The following HECTD3 variants were observed in gnomAD, a reference collection of about 807,000 sequenced individuals.
The protein encoded by HECTD3 is HECT domain E3 ubiquitin protein ligase 3.
A neutral mutation model predicts 109.3 loss-of-function variants in HECTD3; 72 were observed. The ratio of observed to expected loss-of-function variants is 0.66; its 90% CI spans 0.54 to 0.80. The LOEUF (loss-of-function observed/expected upper bound fraction) is 0.80. HECTD3 is among the 30% of genes least tolerant of loss of function. The pLI, the probability that HECTD3 is intolerant of heterozygous loss-of-function variation, is 0.00. For missense variants in HECTD3, 1,041 were observed against 1,165.2 expected (o/e 0.89, Z 1.55); for synonymous variants, 481 against 471.8 (o/e 1.02, Z -0.25).
chr1:45,011,250 C>A lies in HECTD3; in HGVS notation c.8G>T (p.Gly3Val). 7.4e-7 allele frequency: 1 copy of A among 1,355,834 alleles called. No homozygotes were observed. Among genetic ancestry groups the A allele is most frequent in the Non-Finnish European group, 9.4e-7 (1 of 1,060,302 alleles). The allele number at this position is 1,355,834 out of a possible 1,614,324, so 84.0% of individuals were successfully genotyped here. The change falls in exon 1 of 21, where the codon GGT (glycine) becomes GTT (valine). Residue 3 changes from glycine (G) to valine (V), a missense_variant. By Grantham distance (109) the Gly-to-Val change is moderately radical. Transcript: ENST00000372172. ...CTCCAGCACCGCGCCCGGGCCAGGA[C>A]CCGCCATGGCGAAGTGGCGGAGGTG... is the stretch of plus-strand genomic sequence containing the variant. The part of the protein sequence containing the change: MA[G>V]PGPGAVLESP...
In HECTD3 at chr1:45,009,701, C is replaced by A. The variant is rs767438575; in HGVS notation, c.760-18G>T. The A allele has an allele frequency of 6.3e-7, 1 of 1,584,626 alleles. No homozygotes were observed. The highest frequency in any genetic ancestry group is 8.7e-7 in the Non-Finnish European group (1 of 1,154,388). On this transcript the variant is annotated intron_variant, in intron 4 of 20. Coordinates refer to ENST00000372172, the MANE Select transcript of HECTD3 (RefSeq NM_024602.6). ...AACTCCTCCTGGGGAGGGGCAGAGA[C>A]GTGAAGTCAGCAGTTACCCTCCCTC... is the stretch of plus-strand genomic sequence containing the variant.
intron 3 of HECTD3, 25 bp from the exon 4 acceptor site, chr1:45,010,146 A>G: frequency 6.2e-7 from 1 of 1,613,598 alleles, no homozygotes; most frequent in Non-Finnish European, 8.5e-7. Context: ...GCCCCTAATT[A>G]GACTGGGCCC....
intron 9 of HECTD3, 48 bp from the exon 10 acceptor site, chr1:45,007,643 C>T (rs1207959243): frequency 1.3e-6 from 2 of 1,524,148 alleles, no homozygotes; most frequent in Non-Finnish European, 1.8e-6. Flanking sequence ...CAGTCAGCCT[C>T]CGTCCAGGCC....
Position 45,010,614 on chromosome 1 carries a change from G to A in HECTD3, c.462C>T (p.Pro154=), listed in dbSNP as rs779819986. The change falls in exon 2 of 21, where the codon CCC becomes CCT. Residue 154 remains proline, a synonymous_variant. Transcript: ENST00000372172. ...RPAEGGARLV[P]IDTPNHLQRQ... ...GCTGGAGGTGGTTGGGAGTGTCGAT[G>A]GGTACCAGGCGGGCTCCGCCCTCCG... 7 of 1,612,548 alleles carry A rather than the reference G, an allele frequency of 4.3e-6. No homozygotes were observed. Among genetic ancestry groups the A allele is most frequent in the South Asian group, 2.2e-5 (2 of 90,996 alleles).
In HECTD3 at chr1:45,010,600, T is replaced by C. The variant is rs931356199; in HGVS notation, c.476A>G (p.Asn159Ser). The change falls in exon 2 of 21, where the codon AAC (asparagine) becomes AGC (serine). Residue 159 changes from asparagine (N) to serine (S), a missense_variant. By Grantham distance (46) the Asn-to-Ser change is conservative. This residue lies in a region of HECTD3 where 472 missense variants were observed against 449.9 expected (regional missense o/e 1.05). Transcript: ENST00000372172. ...GAGCTGCTGCTGCCGCTGGAGGTGG[T>C]TGGGAGTGTCGATGGGTACCAGGCG... ...GARLVPIDTP[N>S]HLQRQQQLFG... The C allele has an allele frequency of 9.9e-6, 16 of 1,613,184 alleles. No individual in the cohort carries two copies. The highest frequency in any genetic ancestry group is 6.7e-5 in the African/African-American group (5 of 74,898).
At position 45,011,244 on chromosome 1, in the gene HECTD3, C is replaced by T. The variant is rs1644791114; in HGVS notation, c.14G>A (p.Gly5Asp). 2 of 1,359,856 alleles carry T rather than the reference C, an allele frequency of 1.5e-6. No homozygotes were observed. The highest frequency in any genetic ancestry group is 3.5e-5 in the South Asian group (2 of 57,452). 84.2% of individuals were successfully genotyped at this position (1,359,856 alleles called of 1,614,324 possible). Residue 5 changes from glycine (G) to aspartate (D), a missense_variant, in exon 1 of 21, where the codon GGC becomes GAC. This residue lies in a region of HECTD3 where 472 missense variants were observed against 449.9 expected (regional missense o/e 1.05). Transcript: ENST00000372172. ...GGGGGACTCCAGCACCGCGCCCGGG[C>T]CAGGACCCGCCATGGCGAAGTGGCG... MAGP[G>D]PGAVLESPRQ...
rs1644744481 is a variant in HECTD3, at chr1:45,007,254, C to A, written c.1521G>T (p.Lys507Asn). The A allele has an allele frequency of 6.2e-7, 1 of 1,613,480 alleles. No homozygotes were observed. Among genetic ancestry groups the A allele is most frequent in the Admixed American group, 1.7e-5 (1 of 59,932 alleles). Reference sequence around the variant, plus strand: ...GGGGCTTTTCATATTTGTCAGAGGGCTTGAGGCCTTCATATACCTGGAGGC... The same window carrying A: ...GGGGCTTTTCATATTTGTCAGAGGGATTGAGGCCTTCATATACCTGGAGGC... ...AVFTQVYEGL[K>N]PSDKYEKPLD... Residue 507 changes from lysine to asparagine, a missense_variant, in exon 11 of 21, where the codon AAG (lysine) becomes AAT (asparagine). Transcript: ENST00000372172.
In HECTD3 at chr1:45,004,564, C is replaced by T. The variant is rs549112161; in HGVS notation, c.2142+36G>A. The T allele has an allele frequency of 3.7e-6, 6 of 1,611,544 alleles. No homozygotes were observed. The South Asian group carries it at 6.6e-5, about 18-fold the overall frequency. Reference sequence around the variant, plus strand: ...CCCAGGAGCTGGGGCTCAGGAGGGGCCAAAGCTCTCTGCTCTACTAGCCTC... The same window carrying T: ...CCCAGGAGCTGGGGCTCAGGAGGGGTCAAAGCTCTCTGCTCTACTAGCCTC... On this transcript the variant is annotated intron_variant, in intron 16 of 20. Transcript: ENST00000372172.
At position 45,003,240 on chromosome 1, in the gene HECTD3, G is replaced by T; in HGVS notation, c.*252C>A. ...GGCAGCTTGTGCTGGGCTTGTGGAA[G>T]ATTCCCTCTTAAGAGGTGAAATACC... On this transcript the variant is annotated 3_prime_UTR_variant, in exon 21 of 21. Coordinates refer to ENST00000372172, the MANE Select transcript of HECTD3 (RefSeq NM_024602.6). The surrounding 1 kb of genome is among the most constrained non-coding windows in gnomAD (Gnocchi z 4.7). The T allele has an allele frequency of 5.8e-6, 3 of 519,556 alleles. No homozygotes were observed. Among genetic ancestry groups the T allele is most frequent in the South Asian group, 2.4e-5 (1 of 42,248 alleles). The allele number at this position is 519,556 out of a possible 1,614,324, so 32.2% of individuals were successfully genotyped here.
Position 45,005,741 on chromosome 1 carries a change from G to A in HECTD3, c.1935+53C>T, listed in dbSNP as rs576472029. On this transcript the variant is annotated intron_variant, in intron 15 of 20. Coordinates refer to ENST00000372172, the MANE Select transcript of HECTD3 (RefSeq NM_024602.6). The stretch of plus-strand genomic sequence containing the variant: ...CAAGGTACAGAACAGCCTTAGGGAG[G>A]ACCAACCTTTAGGGGCTGGGCAGAG... 2.7e-6 allele frequency: 4 copies of A among 1,462,708 alleles called. No individual in the cohort carries two copies. The African/African-American group carries it at 5.6e-5, about 21-fold the overall frequency. The allele number at this position is 1,462,708 out of a possible 1,614,324, so 90.6% of individuals were successfully genotyped here.
In HECTD3 at chr1:45,006,788, A is replaced by G. The variant is rs1489358709; in HGVS notation, c.1629T>C (p.Gly543=). ...IAEGIIDQGG[G]FRDSLADMSE... ...ACATATCTGCCAGGCTGTCCCGGAA[A>G]CCACCCCCTGAAATGACAGATGCCC... Residue 543 remains glycine (G), a synonymous_variant, in exon 13 of 21, where the codon GGT becomes GGC. Transcript: ENST00000372172. This position sits in a 1 kb window ranked among gnomAD's most constrained non-coding sequence, Gnocchi z 4.7. The G allele has an allele frequency of 7.7e-5, 124 of 1,612,498 alleles. No homozygotes were observed. The highest frequency in any genetic ancestry group is 1.0e-4 in the Non-Finnish European group (121 of 1,179,112).
At chr1:45,007,129 TGTG>T in intron 11 of HECTD3, 87 bp downstream of exon 11, 1 of 2,612 alleles carries the variant, frequency 3.8e-4, no homozygotes, top group Non-Finnish European at 1.8e-3. Context: ...CGAGCAGTTG[TGTG>T]TGTGTGTGTG....
Position 45,011,284 on chromosome 1 carries a change from G to T in HECTD3, c.-27C>A. On this transcript the variant is annotated 5_prime_UTR_variant, in exon 1 of 21. Coordinates refer to ENST00000372172, the MANE Select transcript of HECTD3 (RefSeq NM_024602.6). ...GCGAAGTGGCGGAGGTGAGCACCTA[G>T]AGGCGACCCTGCCCGGGGAACAGCT... 1 of 1,352,636 alleles carries T rather than the reference G, an allele frequency of 7.4e-7. No homozygotes were observed. The highest frequency in any genetic ancestry group is 9.5e-7 in the Non-Finnish European group (1 of 1,058,088). 83.8% of individuals were successfully genotyped at this position (1,352,636 alleles called of 1,614,324 possible).
intron 7 of HECTD3, 91 bp from the exon 8 acceptor site, chr1:45,008,792 T>TA (rs1270224767): frequency 1.6e-6 from 2 of 1,243,312 alleles, no homozygotes; most frequent in Non-Finnish European, 2.3e-6. Flanking sequence ...CGCTCAGCCT[T>TA]GTGTCACCGT....
At chr1:45,004,922 G>A in intron 15 of HECTD3, 116 bp from the exon 16 acceptor site, 1 of 874,908 alleles carries the variant, frequency 1.1e-6, no homozygotes, top group Non-Finnish European at 1.9e-6. Context: ...CCCCATGGAG[G>A]CAGCAGGGAA....
chr1:45,008,200 A>C (rs750735169), intron 9 of HECTD3, 40 bp downstream of exon 9: 30 of 1,486,474 alleles, frequency 2.0e-5, no homozygotes, highest in Non-Finnish European at 9.4e-7. Flanking sequence ...GTGAGCAGGA[A>C]GGGGAAATGC....
chr1:45,004,759 C>T lies in HECTD3; in HGVS notation c.1983G>A (p.Glu661=), dbSNP rs200564701. ...VMEGMDKETF[E]FKFGKELTFT... is the part of the protein sequence containing the mutation. ...ATGTTAGTTCCTTCCCAAACTTGAA[C>T]TCAAACGTCTCCTTGTCCATTCCTT... is the stretch of plus-strand genomic sequence containing the variant. Residue 661 remains glutamate, a synonymous_variant, in exon 16 of 21, where the codon GAG becomes GAA. Transcript: ENST00000372172. 27 of 1,614,220 alleles carry T rather than the reference C, an allele frequency of 1.7e-5. No individual in the cohort carries two copies. The highest frequency in any genetic ancestry group is 2.3e-5 in the Non-Finnish European group (27 of 1,180,038).
At position 45,003,771 on chromosome 1, in the gene HECTD3, A is replaced by T. The variant is rs1326338994; in HGVS notation, c.2430-31T>A. Reference sequence around the variant, plus strand: ...GGCATTGAGGGACCATAGGTCAGGAAGATGTGTTGGGGCACATGTACGTGT... The same window carrying T: ...GGCATTGAGGGACCATAGGTCAGGATGATGTGTTGGGGCACATGTACGTGT... On this transcript the variant is annotated intron_variant, in intron 19 of 20. Transcript: ENST00000372172. The surrounding 1 kb of genome is among the most constrained non-coding windows in gnomAD (Gnocchi z 4.7). 4.3e-6 allele frequency: 7 copies of T among 1,613,652 alleles called. No homozygotes were observed. The Admixed American group carries it at 1.2e-4, about 27-fold the overall frequency.
intron 15 of HECTD3, 174 bp from the exon 16 acceptor site, chr1:45,004,980 C>T (rs1644721813): frequency 1.5e-6 from 1 of 646,968 alleles, no homozygotes; most frequent in Non-Finnish European, 2.8e-6. Flanking sequence ...CAACACCTAA[C>T]CAGCCTTGGA....
Sources: gnomAD v4.1 joint callset for allele counts on GRCh38, gnomAD v4.1.1 for gene constraint, gnomAD v4.1.1 regional missense constraint, Gnocchi (gnomAD v3.1) non-coding constraint, MANE v1.5 for transcripts, NCBI Gene and HGNC (gene_info 2026-07-23, HGNC 2026-07-21) for gene names.